TBL1Y: variants seen among roughly 807,000 people sequenced by gnomAD.
TBL1Y encodes transducin beta like 1 Y-linked, also known as F-box-like/WD repeat-containing protein TBL1Y.
A neutral mutation model predicts 12.0 loss-of-function variants in TBL1Y; 15 were observed. The ratio of observed to expected loss-of-function variants is 1.25; its 90% CI spans 0.83 to 1.92. TBL1Y has a LOEUF of 1.92. Among genes scored for constraint, TBL1Y ranks in the 40% most tolerant of loss-of-function variants. The pLI is 0.00. For synonymous variants in TBL1Y, 53 were observed against 42.6 expected, an observed-to-expected ratio of 1.24 and a Z score of -0.95; for missense variants, 148 against 116.7, an observed-to-expected ratio of 1.27 and a Z score of -1.24.
chrY:7,090,811 G>C, intron 18 of TBL1Y, among the ~76,000 whole-genome samples: 3 of 33,947 alleles, frequency 8.8e-5, no homozygotes, highest in Non-Finnish European at 2.2e-4. Flanking sequence ...ACCGTGTTCT[G>C]TGAGGTATGT....
chrY:6,949,307 T>C (rs549118746), intron 2 of TBL1Y, among the ~76,000 whole-genome samples: 1 of 33,805 alleles, frequency 3.0e-5, no homozygotes, highest in African/African-American at 1.1e-4. Flanking sequence ...ATTGGTTCCA[T>C]TGCTAAAATC....
chrY:7,087,172 T>TTA, intron 16 of TBL1Y, 95 bp from the exon 17 acceptor site: 1 of 52,204 alleles, frequency 1.9e-5, no homozygotes, highest in Middle Eastern at 7.0e-3. Flanking sequence ...TTTATGTATA[T>TTA]TATATATATA....
chrY:7,043,507 C>A (rs2012739977), intron 7 of TBL1Y, among the ~76,000 whole-genome samples: 1 of 30,251 alleles, frequency 3.3e-5, no homozygotes, highest in Non-Finnish European at 7.8e-5. Context: ...GCCTGGGCAA[C>A]ACTGTGAGAC....
intron 4 of TBL1Y, among the ~76,000 whole-genome samples, chrY:7,010,789 G>T: frequency 6.1e-5 from 2 of 32,642 alleles, no homozygotes; most frequent in Non-Finnish European, 1.5e-4. Flanking sequence ...ACAAAAATTA[G>T]CCTGGAGTGA....
At chrY:6,993,249 C>CTTT (rs2012384648) in intron 3 of TBL1Y, among the ~76,000 whole-genome samples, 1 of 25,697 alleles carries the variant, frequency 3.9e-5, no homozygotes, top group Non-Finnish European at 8.8e-5. Flanking sequence ...TTCTTTCTTT[C>CTTT]TTTCTTTCTT....
chrY:6,986,009 C>T, intron 3 of TBL1Y, among the ~76,000 whole-genome samples: 1 of 32,614 alleles, frequency 3.1e-5, no homozygotes, highest in Admixed American at 2.8e-4. Context: ...TTATAGGGTG[C>T]GGGGTGTGTG....
chrY:6,978,664 T>C, intron 3 of TBL1Y, among the ~76,000 whole-genome samples: 4 of 33,477 alleles, frequency 1.2e-4, no homozygotes, highest in South Asian at 6.7e-4. Context: ...TTGCTCTTGA[T>C]TGACAATTTG....
At chrY:7,001,545 G>A (rs760372430) in intron 4 of TBL1Y, among the ~76,000 whole-genome samples, 1 of 32,391 alleles carries the variant, frequency 3.1e-5, no homozygotes, top group Non-Finnish European at 7.6e-5. Context: ...CGTGAACCCG[G>A]GAGGCGGAGC....
At chrY:6,998,531 G>A in intron 4 of TBL1Y, among the ~76,000 whole-genome samples, 1 of 31,665 alleles carries the variant, frequency 3.2e-5, no homozygotes, top group African/African-American at 1.3e-4. Context: ...AGGCTTCAGT[G>A]AGTCATGATC....
At position 7,090,159 on chromosome Y, in the gene TBL1Y, A is replaced by T; in HGVS notation, c.1517A>T (p.Asp506Val). ...GAGGTGTGCTGGAACGCCCGAGGAG[A>T]TAAAGTGGGCGCCAGCGCGTCTGAT... Reference protein sequence around the residue: ...IFEVCWNARGDKVGASASDGS... With the variant: ...IFEVCWNARGVKVGASASDGS... Residue 506 changes from aspartate (D) to valine (V), a missense_variant, in exon 18 of 19, where the codon GAT (aspartate) becomes GTT (valine). Physicochemically the swap from Asp to Val is radical, Grantham distance 152. Coordinates refer to ENST00000383032, the MANE Select transcript of TBL1Y (RefSeq NM_033284.2). The T allele has an allele frequency of 2.5e-6, 1 of 398,017 alleles. No homozygotes were observed. The highest frequency in any genetic ancestry group is 3.5e-6 in the Non-Finnish European group (1 of 283,159).
chrY:7,020,952 A>C, intron 4 of TBL1Y, among the ~76,000 whole-genome samples: 2 of 33,014 alleles, frequency 6.1e-5, no homozygotes, highest in African/African-American at 2.4e-4. Context: ...GCGCACCAAC[A>C]TGCACTCTGG....
At chrY:6,957,088 T>G (rs2012075407) in intron 2 of TBL1Y, among the ~76,000 whole-genome samples, 1 of 34,531 alleles carries the variant, frequency 2.9e-5, no homozygotes, top group Non-Finnish European at 7.3e-5. Context: ...GGTAAATGAT[T>G]TATAACAAAC....
chrY:7,087,655 T>C, intron 17 of TBL1Y, among the ~76,000 whole-genome samples: 2 of 33,483 alleles, frequency 6.0e-5, no homozygotes, highest in African/African-American at 1.2e-4. Context: ...GCATCGTGTC[T>C]GCTGTCCTCA....
At chrY:7,062,667 C>A (rs2012881578) in intron 7 of TBL1Y, among the ~76,000 whole-genome samples, 1 of 32,969 alleles carries the variant, frequency 3.0e-5, no homozygotes, top group Non-Finnish European at 7.5e-5. Context: ...GGCTCAATTT[C>A]CGCTAGTGGA....
chrY:6,979,762 C>T, intron 3 of TBL1Y, among the ~76,000 whole-genome samples: 1 of 33,394 alleles, frequency 3.0e-5, no homozygotes, highest in Non-Finnish European at 7.4e-5. Flanking sequence ...ACTGAAACGT[C>T]CACCTCCCAG....
chrY:6,978,537 T>C (rs751086270), intron 3 of TBL1Y, among the ~76,000 whole-genome samples: 3 of 34,009 alleles, frequency 8.8e-5, no homozygotes, highest in African/African-American at 3.4e-4. Flanking sequence ...AGAGATTAAT[T>C]AGGATTCTTT....
chrY:7,052,558 A>G, intron 7 of TBL1Y, among the ~76,000 whole-genome samples: 1 of 34,166 alleles, frequency 2.9e-5, no homozygotes, highest in Non-Finnish European at 7.3e-5. Flanking sequence ...CAAAGGAGAC[A>G]GGGTTATTTA....
Position 7,080,167 on chromosome Y carries a change from T to C in TBL1Y, c.956-565T>C. ...CTTGGCTCACTGCATCTCCATCTCCTGGGTTCAAGCCATTCTCCTGCCTCC... is the reference window on the plus strand; with the variant it reads ...CTTGGCTCACTGCATCTCCATCTCCCGGGTTCAAGCCATTCTCCTGCCTCC... On this transcript the variant is annotated intron_variant, in intron 13 of 18. Coordinates refer to ENST00000383032, the MANE Select transcript of TBL1Y (RefSeq NM_033284.2). Among the ~76,000 whole-genome samples the C allele has an allele frequency of 1.2e-4, 3 of 25,241 alleles. No individual in the cohort carries two copies. The South Asian group carries it at 3.3e-3, about 27-fold the overall frequency. 67.7% of individuals were successfully genotyped at this position (25,241 alleles called of 37,273 possible).
intron 3 of TBL1Y, among the ~76,000 whole-genome samples, chrY:6,982,909 G>C (rs2012295477): frequency 3.0e-5 from 1 of 32,787 alleles, no homozygotes. Flanking sequence ...GGATCTAAGT[G>C]TCATGCTCCT....
Sources: gnomAD v4.1 joint callset for allele counts (sites outside exome capture counted in the v4.1 genomes callset) on GRCh38, gnomAD v4.1.1 for gene constraint, MANE v1.5 for transcripts, NCBI Gene and HGNC (gene_info 2026-07-23, HGNC 2026-07-21) for gene names.